The following REV3L variants were observed in gnomAD, a reference collection of about 807,000 sequenced individuals.
The protein encoded by REV3L is REV3 like, DNA directed polymerase zeta catalytic subunit, also known as DNA polymerase zeta catalytic subunit.
Under a neutral mutation model 299.4 loss-of-function variants are expected in REV3L, and 69 were observed. The ratio of observed to expected loss-of-function variants is 0.23; its 90% CI spans 0.19 to 0.28. REV3L has a LOEUF of 0.28. Ranked by LOEUF, REV3L falls within the 10% of genes least tolerant of loss-of-function variation. REV3L has a pLI of 1.00. For missense variants in REV3L, 3,128 were observed against 3,693.8 expected (o/e 0.85, Z 3.97); for synonymous variants, 1,238 against 1,271.4 (o/e 0.97, Z 0.56).
intron 1 of REV3L, chr6:111,431,503 G>T: frequency 5.2e-6 from 5 of 953,310 alleles, no homozygotes. Flanking sequence ...GCTCCAGGAA[G>T]CCCAGAATGA....
chr6:111,482,704 C>A (rs1303690652), intron 1 of REV3L, 46 bp downstream of exon 1: 4 of 1,171,264 alleles, frequency 3.4e-6, no homozygotes, highest in Non-Finnish European at 3.2e-6. Flanking sequence ...GCGGCCCCGG[C>A]GCCCCGCCGA....
At chr6:111,397,673 TGTCACCA>T (rs931465185) in intron 4 of REV3L, among the ~76,000 whole-genome samples, 1 of 152,088 alleles carries the variant, frequency 6.6e-6, no homozygotes, top group Non-Finnish European at 1.5e-5. Flanking sequence ...TGTCTTGTTC[TGTCACCA>T]GGCTGCAGTG....
In REV3L at chr6:111,372,898, A is replaced by C. The variant is rs749953837; in HGVS notation, c.5457T>G (p.Thr1819=). The C allele has an allele frequency of 3.1e-6, 5 of 1,614,028 alleles. No individual in the cohort carries two copies. Among genetic ancestry groups the C allele is most frequent in the Non-Finnish European group, 4.2e-6 (5 of 1,180,012 alleles). The change falls in exon 13 of 32, where the codon ACT becomes ACG. Residue 1819 remains threonine, a synonymous_variant. Coordinates refer to ENST00000368802, the MANE Select transcript of REV3L (RefSeq NM_001372078.1). ...QSLDSANTSF[T]AILSSPDGEL... ...CACCATCAGGGGAGGAGAGTATTGC[A>C]GTAAAAGAGGTATTGGCTGAGTCAA...
chr6:111,408,641 AC>A (rs1344474642), intron 3 of REV3L, among the ~76,000 whole-genome samples: 1 of 150,682 alleles, frequency 6.6e-6, no homozygotes, highest in East Asian at 2.1e-4. Flanking sequence ...ACAAAACAAA[AC>A]AAAACAAAAA....
intron 2 of REV3L, chr6:111,412,431 C>G (rs1784342748): frequency 5.4e-6 from 1 of 186,770 alleles, no homozygotes; most frequent in Non-Finnish European, 1.0e-5. Flanking sequence ...ATACAGAACA[C>G]TATTTTCAAG....
At chr6:111,478,629 C>CA (rs35796020) in intron 1 of REV3L, among the ~76,000 whole-genome samples, 5,811 of 128,366 alleles carry the variant, frequency 0.045, 322 homozygotes, top group African/African-American at 0.13. Flanking sequence ...TCCAATTTAC[C>CA]AAAAAAAAAA....
rs532163121 is a variant in REV3L, at chr6:111,404,411, T to C, written c.565+1059A>G. Among the ~76,000 whole-genome samples the C allele has an allele frequency of 1.6e-3, 248 of 152,332 alleles. 1 individual carries two copies. Among genetic ancestry groups the C allele is most frequent in the African/African-American group, 5.7e-3 (239 of 41,590 alleles). Reference sequence around the variant, plus strand: ...TGGAGATGTACAAGACGACTAATGTTGGTTCCCTGCCTGCTAACACAACAT... The same window carrying C: ...TGGAGATGTACAAGACGACTAATGTCGGTTCCCTGCCTGCTAACACAACAT... On this transcript the variant is annotated intron_variant, in intron 4 of 31. Transcript: ENST00000368802.
intron 4 of REV3L, among the ~76,000 whole-genome samples, chr6:111,400,927 T>C (rs1369326049): frequency 6.6e-6 from 1 of 152,216 alleles, no homozygotes; most frequent in Non-Finnish European, 1.5e-5. Context: ...TACAAAAATA[T>C]GTTCTTTTAT....
intron 5 of REV3L, among the ~76,000 whole-genome samples, chr6:111,392,345 C>A (rs771792546): frequency 2.0e-5 from 3 of 151,970 alleles, no homozygotes; most frequent in African/African-American, 7.2e-5. Flanking sequence ...TTTGCATAAG[C>A]AAATACATAG....
At chr6:111,424,318 G>A (rs1033521466) in intron 1 of REV3L, among the ~76,000 whole-genome samples, 1 of 152,148 alleles carries the variant, frequency 6.6e-6, no homozygotes, top group Non-Finnish European at 1.5e-5. Context: ...GCAGGATGTA[G>A]ATAAAAGTAT....
Position 111,482,730 on chromosome 6 carries a change from C to T in REV3L, c.139+20G>A, listed in dbSNP as rs1562384622. 2.2e-6 allele frequency: 3 copies of T among 1,335,996 alleles called. No individual in the cohort carries two copies. The highest frequency in any genetic ancestry group is 3.1e-5 in the African/African-American group (2 of 65,432). 82.8% of individuals were successfully genotyped at this position (1,335,996 alleles called of 1,614,324 possible). A position where few individuals can be genotyped will look rare whatever the true frequency, so the allele number is the denominator to read the frequency against. ...GCCCCGCCGACTCCCGCTCCCGCCC[C>T]GCGCCCGGCGCCCGCTTACCTGCCG... On this transcript the variant is annotated intron_variant, in intron 1 of 31. Coordinates refer to ENST00000368802, the MANE Select transcript of REV3L (RefSeq NM_001372078.1).
At chr6:111,422,649 CATAT>C (rs58760555) in intron 1 of REV3L, among the ~76,000 whole-genome samples, 4 of 22,508 alleles carry the variant, frequency 1.8e-4, no homozygotes, top group East Asian at 1.0e-3. Context: ...TATATATATA[CATAT>C]ATATATATAC....
At position 111,329,821 on chromosome 6, in the gene REV3L, T is replaced by C. The variant is rs111705241; in HGVS notation, c.8035-83A>G. The C allele has an allele frequency of 6.9e-6, 7 of 1,020,232 alleles. No homozygotes were observed. In the African/African-American group the frequency reaches 8.0e-5, roughly 12 times the overall value. 63.2% of individuals were successfully genotyped at this position (1,020,232 alleles called of 1,614,324 possible). On this transcript the variant is annotated intron_variant, in intron 24 of 31. Transcript: ENST00000368802. Reference sequence around the variant, plus strand: ...AAGAAGGAAGCATAAAACATAATAATGGCCAACTGTCAGGAATTGAAACAT... The same window carrying C: ...AAGAAGGAAGCATAAAACATAATAACGGCCAACTGTCAGGAATTGAAACAT...
chr6:111,384,213 TC>T (rs1174823629), intron 9 of REV3L, among the ~76,000 whole-genome samples: 1 of 151,900 alleles, frequency 6.6e-6, no homozygotes, highest in Non-Finnish European at 1.5e-5. Flanking sequence ...TTGGGAAATA[TC>T]CCCAAAGCAC....
intron 21 of REV3L, among the ~76,000 whole-genome samples, chr6:111,336,755 C>A (rs1775929769): frequency 6.6e-6 from 1 of 151,962 alleles, no homozygotes; most frequent in Admixed American, 6.6e-5. Context: ...ATCATAGTAG[C>A]CCAAAGTGGA....
chr6:111,337,004 G>C (rs1048969749), intron 21 of REV3L, among the ~76,000 whole-genome samples: 1 of 151,696 alleles, frequency 6.6e-6, no homozygotes, highest in Non-Finnish European at 1.5e-5. Flanking sequence ...AAGCTGTCAG[G>C]GGACTTAAGA....
intron 26 of REV3L, among the ~76,000 whole-genome samples, chr6:111,319,453 G>A (rs1010691926): frequency 2.0e-5 from 3 of 151,624 alleles, no homozygotes; most frequent in South Asian, 2.1e-4. Context: ...GCGGCAGAGC[G>A]AGATTCTGTC....
intron 25 of REV3L, among the ~76,000 whole-genome samples, chr6:111,328,897 C>T (rs1220952992): frequency 6.6e-6 from 1 of 152,114 alleles, no homozygotes; most frequent in Non-Finnish European, 1.5e-5. Flanking sequence ...TCCCAAGTAA[C>T]TGGGACCACA....
chr6:111,469,627 C>G (rs1791941485), intron 1 of REV3L, among the ~76,000 whole-genome samples: 1 of 152,138 alleles, frequency 6.6e-6, no homozygotes, highest in African/African-American at 2.4e-5. Flanking sequence ...CTTCTGTAAA[C>G]CCTACTACTG....
Sources: gnomAD v4.1 joint callset for allele counts (sites outside exome capture counted in the v4.1 genomes callset) on GRCh38, gnomAD v4.1.1 for gene constraint, MANE v1.5 for transcripts, NCBI Gene and HGNC (gene_info 2026-07-23, HGNC 2026-07-21) for gene names.